MINAR1: variants seen among roughly 807,000 people sequenced by gnomAD.
The protein encoded by MINAR1 is major intrinsically disordered Notch2-binding receptor 1.
In MINAR1, 40 loss-of-function variants were observed where a neutral mutation model predicts 65.1. That is an observed-to-expected ratio of 0.61 (90% CI 0.48 to 0.80). MINAR1 has a LOEUF of 0.80. MINAR1 is among the 30% of genes least tolerant of loss of function. The pLI is 0.00. For synonymous variants in MINAR1, 482 were observed against 449.1 expected (o/e 1.07, Z -0.93); for missense variants, 1,128 against 1,148.0 (o/e 0.98, Z 0.25).
intron 3 of MINAR1, among the ~76,000 whole-genome samples, chr15:79,466,969 C>G (rs1895884856): frequency 6.6e-6 from 1 of 152,202 alleles, no homozygotes; most frequent in South Asian, 2.1e-4. Context: ...ATACCTCAAT[C>G]TCTCTTTCTT....
chr15:79,452,098 G>C (rs540252243), intron 1 of MINAR1, among the ~76,000 whole-genome samples: 2 of 152,244 alleles, frequency 1.3e-5, no homozygotes, highest in East Asian at 3.9e-4. Context: ...GTGGGAGCTT[G>C]AGTACTTGTG....
chr15:79,443,705 C>T (rs983192594), intron 1 of MINAR1, among the ~76,000 whole-genome samples: 1 of 152,114 alleles, frequency 6.6e-6, no homozygotes, highest in Non-Finnish European at 1.5e-5. Context: ...ATAATATAAA[C>T]TATGTGGATA....
At chr15:79,442,096 C>A (rs1299582244) in intron 1 of MINAR1, among the ~76,000 whole-genome samples, 1 of 149,230 alleles carries the variant, frequency 6.7e-6, no homozygotes, top group South Asian at 2.1e-4. Context: ...ACATGGTAAG[C>A]AATTTTTATC....
chr15:79,465,387 C>T (rs1027688927), intron 3 of MINAR1, among the ~76,000 whole-genome samples: 10 of 152,208 alleles, frequency 6.6e-5, no homozygotes, highest in South Asian at 2.1e-4. Context: ...CACTTGAGGG[C>T]GTAGGCAAAG....
intron 1 of MINAR1, among the ~76,000 whole-genome samples, chr15:79,437,545 G>A (rs111207939): frequency 0.012 from 1,777 of 151,234 alleles, 41 homozygotes; most frequent in African/African-American, 0.041. Flanking sequence ...AGTGAATGTG[G>A]GTGGGGTGGT....
rs373291507 is a variant in MINAR1, at chr15:79,469,539, GTCTA to G, written c.*1169_*1172del. ...TATCTGTTTAACCACTTATCTATAT[GTCTA>G]TCTATCTATCTATATGTCTATCTAT... is the stretch of plus-strand genomic sequence containing the variant. On this transcript the variant is annotated 3_prime_UTR_variant, in exon 4 of 4. Coordinates refer to ENST00000305428, the MANE Select transcript of MINAR1 (RefSeq NM_015206.3). The G allele has an allele frequency of 3.4e-4, 51 of 151,558 alleles. No homozygotes were observed. The highest frequency in any genetic ancestry group is 3.5e-3 in the Middle Eastern group (1 of 284). The allele number at this position is 151,558 out of a possible 1,614,324, so 9.4% of individuals were successfully genotyped here. A position where few individuals can be genotyped will look rare whatever the true frequency, so the allele number is the denominator to read the frequency against.
chr15:79,447,257 A>G (rs1188762185), intron 1 of MINAR1, among the ~76,000 whole-genome samples: 1 of 152,030 alleles, frequency 6.6e-6, no homozygotes, highest in East Asian at 1.9e-4. Flanking sequence ...CCTATCTTCC[A>G]GTTCATAGAC....
intron 1 of MINAR1, among the ~76,000 whole-genome samples, chr15:79,453,563 T>C (rs1272875522): frequency 1.3e-5 from 2 of 152,096 alleles, no homozygotes; most frequent in Non-Finnish European, 2.9e-5. Flanking sequence ...GGAAACAGAT[T>C]TTTCAATCCA....
intron 3 of MINAR1, among the ~76,000 whole-genome samples, chr15:79,466,628 C>A (rs1343361940): frequency 2.0e-5 from 3 of 152,080 alleles, no homozygotes; most frequent in Non-Finnish European, 4.4e-5. Context: ...GCCTGCAGGC[C>A]ATAGTGTGTC....
rs564758505 is a variant in MINAR1 at position 79,471,494 on chromosome 15, TAA to T, written c.*3111_*3112del. 3.9e-4 allele frequency: 59 copies of T among 152,744 alleles called. No homozygotes were observed. Among genetic ancestry groups the T allele is most frequent in the Middle Eastern group, 6.8e-3 (2 of 294 alleles). The allele number at this position is 152,744 out of a possible 1,614,324, so 9.5% of individuals were successfully genotyped here. ...CCCTTCATTACAGTAAACTAAATCA[TAA>T]CTTACATCATCCATTACTAGCTGAT... On this transcript the variant is annotated 3_prime_UTR_variant, in exon 4 of 4. Coordinates refer to ENST00000305428, the MANE Select transcript of MINAR1 (RefSeq NM_015206.3).
In MINAR1 at chr15:79,468,392, A is replaced by G. The variant is rs1895954023; in HGVS notation, c.*8A>G. ...TGCACAATGAAATCATGAGCTAAGA[A>G]TGCAACCTTACGTACAGCTTATGAC... On this transcript the variant is annotated 3_prime_UTR_variant, in exon 4 of 4. Coordinates refer to ENST00000305428, the MANE Select transcript of MINAR1 (RefSeq NM_015206.3). 11 of 1,612,970 alleles carry G rather than the reference A, an allele frequency of 6.8e-6. No individual in the cohort carries two copies. The highest frequency in any genetic ancestry group is 9.3e-6 in the Non-Finnish European group (11 of 1,179,368).
chr15:79,456,830 A>C lies in MINAR1; in HGVS notation c.683A>C (p.Gln228Pro), dbSNP rs1273038058. The C allele has an allele frequency of 6.2e-7, 1 of 1,614,228 alleles. No homozygotes were observed. The highest frequency in any genetic ancestry group is 8.5e-7 in the Non-Finnish European group (1 of 1,180,038). The part of the protein sequence containing the change: ...MNIENESISD[Q>P]DSLPINQSIK... ...ATCGAAAACGAGTCCATTTCAGACC[A>C]GGACTCCCTGCCCATCAATCAGAGC... The change falls in exon 2 of 4, where the codon CAG becomes CCG. Residue 228 changes from glutamine (Q) to proline (P), a missense_variant. Physicochemically the swap from Gln to Pro is moderately conservative, Grantham distance 76. Transcript: ENST00000305428.
intron 2 of MINAR1, among the ~76,000 whole-genome samples, chr15:79,462,650 A>G (rs1895689512): frequency 6.6e-6 from 1 of 152,188 alleles, no homozygotes; most frequent in South Asian, 2.1e-4. Context: ...AAAATGGTGA[A>G]AGAAAGAGGG....
Position 79,463,170 on chromosome 15 carries a change from C to A in MINAR1, c.2402C>A (p.Ser801Tyr). Reference sequence around the variant, plus strand: ...TTCAGCCCTCACCCCTACCCTGCCTCCCTCAAGGCCCACATGAAGAGCAAC... The same window carrying A: ...TTCAGCCCTCACCCCTACCCTGCCTACCTCAAGGCCCACATGAAGAGCAAC... ...QVFSPHPYPA[S>Y]LKAHMKSNPL... Residue 801 changes from serine to tyrosine, a missense_variant, in exon 3 of 4, where the codon TCC (serine) becomes TAC (tyrosine). By Grantham distance (144) the Ser-to-Tyr change is moderately radical. Transcript: ENST00000305428. 1 of 1,614,252 alleles carries A rather than the reference C, an allele frequency of 6.2e-7. No homozygotes were observed. The highest frequency in any genetic ancestry group is 8.5e-7 in the Non-Finnish European group (1 of 1,180,048).
chr15:79,435,288 A>G (rs960506136), intron 1 of MINAR1, among the ~76,000 whole-genome samples: 1 of 151,998 alleles, frequency 6.6e-6, no homozygotes, highest in Non-Finnish European at 1.5e-5. Context: ...AAAAAAAAAA[A>G]AAAATACGCA....
At chr15:79,452,167 GTA>G (rs1042362931) in intron 1 of MINAR1, among the ~76,000 whole-genome samples, 13 of 151,410 alleles carry the variant, frequency 8.6e-5, no homozygotes, top group African/African-American at 2.4e-4. Context: ...GTGCAGCTGT[GTA>G]TGAGTGTAGG....
intron 3 of MINAR1, chr15:79,463,620 A>T (rs1207956301): frequency 1.7e-6 from 1 of 595,236 alleles, no homozygotes; most frequent in Non-Finnish European, 3.1e-6. Flanking sequence ...CCAAGTGCAG[A>T]TTCTAATATT....
At chr15:79,462,493 ATCTGC>A (rs1895683346) in intron 2 of MINAR1, among the ~76,000 whole-genome samples, 1 of 152,128 alleles carries the variant, frequency 6.6e-6, no homozygotes, top group Non-Finnish European at 1.5e-5. Context: ...CCAGGGGCCC[ATCTGC>A]TGCCTGGGAA....
rs149676281 is a variant in MINAR1 at position 79,457,776 on chromosome 15, C to G, written c.1629C>G (p.Asn543Lys). 33 of 1,614,162 alleles carry G rather than the reference C, an allele frequency of 2.0e-5. No homozygotes were observed. In the African/African-American group the frequency reaches 2.9e-4, roughly 14 times the overall value. ...GAGTGATACAGTCGTCCTGCTACAA[C>G]AGCACAGGATCCTTGTCTCAGCTCC... is the stretch of plus-strand genomic sequence containing the variant. ...STGVIQSSCY[N>K]STGSLSQLHK... is the part of the protein sequence containing the mutation. The change falls in exon 2 of 4, where the codon AAC becomes AAG. Residue 543 changes from asparagine to lysine, a missense_variant. Asn to Lys is a moderately conservative substitution (Grantham distance 94). Coordinates refer to ENST00000305428, the MANE Select transcript of MINAR1 (RefSeq NM_015206.3).
Sources: gnomAD v4.1 joint callset for allele counts (sites outside exome capture counted in the v4.1 genomes callset) on GRCh38, gnomAD v4.1.1 for gene constraint, MANE v1.5 for transcripts, NCBI Gene and HGNC (gene_info 2026-07-23, HGNC 2026-07-21) for gene names.